Variants in CPNE7 observed in about 807,000 individuals in gnomAD.
The protein encoded by CPNE7 is copine-7.
CPNE7 carries 78 observed loss-of-function variants against 66.5 expected under a neutral mutation model. The observed-to-expected ratio is 1.17, with a 90% CI of 0.98 to 1.42. CPNE7 has a LOEUF of 1.42. CPNE7 is among the 40% of genes most tolerant of loss of function. CPNE7 has a pLI of 0.00. For synonymous variants in CPNE7, 468 were observed against 336.7 expected, an observed-to-expected ratio of 1.39 and a Z score of -4.27; for missense variants, 1,012 against 776.6, an observed-to-expected ratio of 1.30 and a Z score of -3.60.
intron 13 of CPNE7, among the ~76,000 whole-genome samples, chr16:89,591,792 C>T (rs189599940): frequency 1.6e-4 from 24 of 151,982 alleles, no homozygotes; most frequent in East Asian, 1.6e-3. Flanking sequence ...CTCTGCTTCC[C>T]GGGGTTCACG....
chr16:89,583,833 G>A, intron 3 of CPNE7, 62 bp downstream of exon 3: 2 of 1,583,076 alleles, frequency 1.3e-6, no homozygotes, highest in Non-Finnish European at 1.7e-6. Context: ...GAGGGGTGTT[G>A]TGGGCGGAAG....
intron 2 of CPNE7, among the ~76,000 whole-genome samples, chr16:89,581,799 C>G (rs749100187): frequency 6.6e-6 from 1 of 152,194 alleles, no homozygotes; most frequent in Non-Finnish European, 1.5e-5. Flanking sequence ...TGTACGCCAC[C>G]AGACCTGGCT....
At chr16:89,595,004 G>C (rs2059231466) in intron 13 of CPNE7, among the ~76,000 whole-genome samples, 1 of 152,132 alleles carries the variant, frequency 6.6e-6, no homozygotes, top group South Asian at 2.1e-4. Flanking sequence ...CTGGAGCAGG[G>C]TGTGTGGGCT....
intron 14 of CPNE7, 56 bp downstream of exon 14, chr16:89,595,659 A>G (rs2059243594): frequency 6.9e-7 from 1 of 1,440,142 alleles, no homozygotes; most frequent in East Asian, 2.3e-5. Context: ...TGTTCATGTC[A>G]CTGCCCAAGA....
At chr16:89,594,599 TTTTAAACAATGGAAGTTGATTTTA>T (rs1365784346) in intron 13 of CPNE7, among the ~76,000 whole-genome samples, 1 of 151,474 alleles carries the variant, frequency 6.6e-6, no homozygotes, top group Non-Finnish European at 1.5e-5. Context: ...GTGGGGTTTT[TTTTAAACAATGGAAGTTGATTTTA>T]TTTGAAGTTC....
In CPNE7 at chr16:89,577,689, T is replaced by C; in HGVS notation, c.325T>C (p.Phe109Leu). 2 of 1,601,166 alleles carry C rather than the reference T, an allele frequency of 1.2e-6. No individual in the cohort carries two copies. The highest frequency in any genetic ancestry group is 1.7e-6 in the Non-Finnish European group (2 of 1,174,282). The change falls in exon 2 of 15, where the codon TTC becomes CTC. Residue 109 changes from phenylalanine (F) to leucine (L), a missense_variant. Transcript: ENST00000319518. Reference sequence around the variant, plus strand: ...CGGCTTCAGCTGTCAGGAGGACGATTTCCTGGGGGGCATGGAGTGCACCCT... The same window carrying C: ...CGGCTTCAGCTGTCAGGAGGACGATCTCCTGGGGGGCATGGAGTGCACCCT... ...PSGFSCQEDDFLGGMECTLGQ... is the reference protein window; with the variant it reads ...PSGFSCQEDDLLGGMECTLGQ...
At chr16:89,580,348 A>G (rs1321510306) in intron 2 of CPNE7, among the ~76,000 whole-genome samples, 6 of 131,118 alleles carry the variant, frequency 4.6e-5, no homozygotes, top group East Asian at 2.6e-4. Context: ...GGAACATCCC[A>G]TCACCCGTCA....
At position 89,587,116 on chromosome 16, in the gene CPNE7, C is replaced by G. The variant is rs772603758; in HGVS notation, c.927+14C>G. ...ATCCACTTCACCGTGAGTCCATGGC[C>G]CCGCCCCATGCCGCCCCCTCAGTCC... On this transcript the variant is annotated intron_variant, in intron 9 of 14. Transcript: ENST00000319518. 1 of 1,382,298 alleles carries G rather than the reference C, an allele frequency of 7.2e-7. No individual in the cohort carries two copies. The highest frequency in any genetic ancestry group is 9.7e-7 in the Non-Finnish European group (1 of 1,031,438). 85.6% of individuals were successfully genotyped at this position (1,382,298 alleles called of 1,614,324 possible).
intron 8 of CPNE7, 33 bp from the exon 9 acceptor site, chr16:89,587,010 G>C (rs777365917): frequency 6.4e-7 from 1 of 1,564,568 alleles, no homozygotes; most frequent in Non-Finnish European, 8.7e-7. Flanking sequence ...AGTGTCCCTG[G>C]CGGGGGTGGA....
At position 89,589,139 on chromosome 16, in the gene CPNE7, A is replaced by C. The variant is rs186394118; in HGVS notation, c.1061+331A>C. Among the ~76,000 whole-genome samples, 230 of 152,322 alleles carry C rather than the reference A, an allele frequency of 1.5e-3. 2 individuals are homozygous for C. The highest frequency in any genetic ancestry group is 5.3e-3 in the African/African-American group (221 of 41,570). On this transcript the variant is annotated intron_variant, in intron 10 of 14. Coordinates refer to ENST00000319518, the MANE Select transcript of CPNE7 (RefSeq NM_153636.3). ...AAACCCCATCTCTACTGAAAATACAAAAATTAGCTGGGCGTGGTGGCAGAT... is the reference window on the plus strand; with the variant it reads ...AAACCCCATCTCTACTGAAAATACACAAATTAGCTGGGCGTGGTGGCAGAT...
rs372595557 is a variant in CPNE7 at position 89,586,514 on chromosome 16, C to T, written c.781-156C>T. ...TCCCTCTTCATTCCCGTATGACCCA[C>T]TCTGCCCCTTCCTGCTGCCCTGCAG... On this transcript the variant is annotated intron_variant, in intron 7 of 14. Transcript: ENST00000319518. Among the ~76,000 whole-genome samples, 289 of 151,978 alleles carry T rather than the reference C, an allele frequency of 1.9e-3. 1 individual carries two copies. The highest frequency in any genetic ancestry group is 6.8e-3 in the African/African-American group (281 of 41,446).
At chr16:89,576,642 G>T (rs2058864715) in intron 1 of CPNE7, among the ~76,000 whole-genome samples, 1 of 152,214 alleles carries the variant, frequency 6.6e-6, no homozygotes, top group Non-Finnish European at 1.5e-5. Context: ...CGTGAAACGC[G>T]TGGCTTCACC....
rs1264764168 is a variant in CPNE7 at position 89,591,214 on chromosome 16, A to G, written c.1256A>G (p.Lys419Arg). The change falls in exon 13 of 15, where the codon AAG becomes AGG. Residue 419 changes from lysine (K) to arginine (R), a missense_variant. Lys to Arg is a conservative substitution (Grantham distance 26). Coordinates refer to ENST00000319518, the MANE Select transcript of CPNE7 (RefSeq NM_153636.3). ...ACCAACGTGGCGCCCATCATCTCCA[A>G]GGTGGCACGCGTGGCGGCGGCCGAG... ...GPTNVAPIIS[K>R]VARVAAAEES... The G allele has an allele frequency of 1.3e-6, 2 of 1,594,434 alleles. No individual in the cohort carries two copies. The highest frequency in any genetic ancestry group is 4.5e-5 in the East Asian group (2 of 44,140).
Position 89,582,485 on chromosome 16 carries a change from G to C in CPNE7, c.358-1212G>C, listed in dbSNP as rs1041722617. 2.0e-5 allele frequency among the ~76,000 whole-genome samples: 3 copies of C among 152,214 alleles called. No homozygotes were observed. In the South Asian group the frequency reaches 6.2e-4, roughly 32 times the overall value. ...CTGGAAGCAAACCAGGCCGGCAGGC[G>C]AGTCCCAGGTGTGAGGCAGAGGCCC... On this transcript the variant is annotated intron_variant, in intron 2 of 14. Transcript: ENST00000319518.
At position 89,597,028 on chromosome 16, in the gene CPNE7, C is replaced by T; in HGVS notation, c.*407C>T. The T allele has an allele frequency of 6.2e-6, 1 of 161,650 alleles. No homozygotes were observed. Among genetic ancestry groups the T allele is most frequent in the Non-Finnish European group, 1.3e-5 (1 of 74,892 alleles). The allele number at this position is 161,650 out of a possible 1,614,324, so 10.0% of individuals were successfully genotyped here. A position where few individuals can be genotyped will look rare whatever the true frequency, so the allele number is the denominator to read the frequency against. ...CCCGAGAAAGCCTGGGGGACCCAGA[C>T]ACCTGTCCCCACAGTCAAAGCCTGG... On this transcript the variant is annotated 3_prime_UTR_variant, in exon 15 of 15. Coordinates refer to ENST00000319518, the MANE Select transcript of CPNE7 (RefSeq NM_153636.3).
At position 89,596,522 on chromosome 16, in the gene CPNE7, G is replaced by T; in HGVS notation, c.1578G>T (p.Glu526Asp). ...CGCTGGCCAAGTGCGTGCTGGCCGA[G>T]GTCCCGAAGCAGGTGGTGGAGTACT... ...PAALAKCVLA[E>D]VPKQVVEYYS... The change falls in exon 15 of 15, where the codon GAG (glutamate) becomes GAT (aspartate). Residue 526 changes from glutamate to aspartate, a missense_variant. Coordinates refer to ENST00000319518, the MANE Select transcript of CPNE7 (RefSeq NM_153636.3). 6.2e-7 allele frequency: 1 copy of T among 1,610,184 alleles called. No individual in the cohort carries two copies.
intron 11 of CPNE7, among the ~76,000 whole-genome samples, chr16:89,590,224 T>G (rs1272126629): frequency 6.6e-6 from 1 of 152,144 alleles, no homozygotes; most frequent in African/African-American, 2.4e-5. Flanking sequence ...CTATTGCACA[T>G]AACAATTCAG....
At position 89,578,418 on chromosome 16, in the gene CPNE7, C is replaced by T. The variant is rs147452604; in HGVS notation, c.357+697C>T. Among the ~76,000 whole-genome samples the T allele has an allele frequency of 4.7e-3, 714 of 152,204 alleles. 5 individuals are homozygous for T. The highest frequency in any genetic ancestry group is 0.027 in the Middle Eastern group (8 of 294). On this transcript the variant is annotated intron_variant, in intron 2 of 14. Coordinates refer to ENST00000319518, the MANE Select transcript of CPNE7 (RefSeq NM_153636.3). ...ATTACGTTCCCTGTTCTGCATCCTG[C>T]GTTTTCACTTCCACGACGTGCAGCA...
At chr16:89,591,481 G>A (rs2059168472) in intron 13 of CPNE7, among the ~76,000 whole-genome samples, 1 of 152,194 alleles carries the variant, frequency 6.6e-6, no homozygotes, top group Non-Finnish European at 1.5e-5. Flanking sequence ...CACGGTCACG[G>A]CCATGGCTGC....
Sources: allele counts gnomAD v4.1 joint callset (sites outside exome capture counted in the v4.1 genomes callset), GRCh38; gene constraint gnomAD v4.1.1; transcripts MANE v1.5; gene names NCBI Gene and HGNC (gene_info 2026-07-23, HGNC 2026-07-21).